CCDC47: variants seen among roughly 807,000 people sequenced by gnomAD.
CCDC47 encodes PAT complex subunit CCDC47.
Under a neutral mutation model 60.5 loss-of-function variants are expected in CCDC47, and 41 were observed. The ratio of observed to expected loss-of-function variants is 0.68; its 90% CI spans 0.53 to 0.88. CCDC47 has a LOEUF of 0.88. Among genes scored for constraint, CCDC47 ranks in the 40% least tolerant of loss-of-function variants. The pLI, the probability that CCDC47 is intolerant of heterozygous loss-of-function variation, is 0.00. For synonymous variants in CCDC47, 195 were observed against 190.7 expected (o/e 1.02, Z -0.18); for missense variants, 513 against 580.9 (o/e 0.88, Z 1.20).
At position 63,764,750 on chromosome 17, in the gene CCDC47, G is replaced by C. The variant is rs144041507; in HGVS notation, c.362C>G (p.Thr121Arg). The C allele has an allele frequency of 2.5e-6, 4 of 1,611,926 alleles. No individual in the cohort carries two copies. Among genetic ancestry groups the C allele is most frequent in the Non-Finnish European group, 3.4e-6 (4 of 1,179,476 alleles). The change falls in exon 3 of 13, where the codon ACG becomes AGG. Residue 121 changes from threonine to arginine, a missense_variant. By Grantham distance (71) the Thr-to-Arg change is moderately conservative. Transcript: ENST00000225726. The part of the protein sequence containing the change: ...TSSSKNKDPI[T>R]IVDVPAHLQN... Reference sequence around the variant, plus strand: ...ATCCTGGATACCTACATCAACAATCGTTATTGGGTCTTTATTTTTGCTAGA... The same window carrying C: ...ATCCTGGATACCTACATCAACAATCCTTATTGGGTCTTTATTTTTGCTAGA...
In CCDC47 at chr17:63,764,766, T is replaced by G; in HGVS notation, c.346A>C (p.Asn116His). The G allele has an allele frequency of 6.2e-7, 1 of 1,613,302 alleles. No homozygotes were observed. The highest frequency in any genetic ancestry group is 1.3e-5 in the African/African-American group (1 of 74,972). ...TCAACAATCGTTATTGGGTCTTTATTTTTGCTAGAAGAAGTATCTGGTTTG... is the reference window on the plus strand; with the variant it reads ...TCAACAATCGTTATTGGGTCTTTATGTTTGCTAGAAGAAGTATCTGGTTTG... ...EDKPDTSSSK[N>H]KDPITIVDVP... The change falls in exon 3 of 13, where the codon AAT becomes CAT. Residue 116 changes from asparagine (N) to histidine (H), a missense_variant. Coordinates refer to ENST00000225726, the MANE Select transcript of CCDC47 (RefSeq NM_020198.3).
At chr17:63,760,795 T>A (rs1415789774) in intron 6 of CCDC47, 119 bp downstream of exon 6, 1 of 676,422 alleles carries the variant, frequency 1.5e-6, no homozygotes. Context: ...GCCAAGATCA[T>A]GCCATTGCAC....
Position 63,760,926 on chromosome 17 carries a change from C to T in CCDC47, c.723G>A (p.Val241=), listed in dbSNP as rs373115775. ...LNVLARMMRP[V]SDQVQIKVTM... is the part of the protein sequence containing the mutation. Reference sequence around the variant, plus strand: ...GAAGAATACATACCACTTGATCACTCACTGGCCTCATCATCCGGGCCAGGA... The same window carrying T: ...GAAGAATACATACCACTTGATCACTTACTGGCCTCATCATCCGGGCCAGGA... Residue 241 remains valine (V), a synonymous_variant, in exon 6 of 13, where the codon GTG becomes GTA. Transcript: ENST00000225726. 10 of 1,611,720 alleles carry T rather than the reference C, an allele frequency of 6.2e-6. No homozygotes were observed. The highest frequency in any genetic ancestry group is 1.3e-5 in the African/African-American group (1 of 74,736).
chr17:63,746,097 C>A lies in CCDC47; in HGVS notation c.*784G>T, dbSNP rs993760309. ...GATTTCACACAGACCAATGATCTTA[C>A]CTAGGTGAAGCATTAATTTTTCATG... On this transcript the variant is annotated 3_prime_UTR_variant, in exon 13 of 13. Transcript: ENST00000225726. 2 of 152,162 alleles carry A rather than the reference C, an allele frequency of 1.3e-5. No homozygotes were observed. The highest frequency in any genetic ancestry group is 4.8e-5 in the African/African-American group (2 of 41,448). 9.4% of individuals were successfully genotyped at this position (152,162 alleles called of 1,614,324 possible).
At chr17:63,756,388 T>C (rs369941813) in intron 7 of CCDC47, 38 bp from the exon 8 acceptor site, 2 of 1,592,040 alleles carry the variant, frequency 1.3e-6, no homozygotes, top group African/African-American at 2.7e-5. Context: ...ATATGACCTT[T>C]TATTATGCAA....
intron 12 of CCDC47, among the ~76,000 whole-genome samples, chr17:63,750,030 G>C (rs1004451691): frequency 1.3e-5 from 2 of 152,112 alleles, no homozygotes; most frequent in African/African-American, 4.8e-5. Flanking sequence ...GGTTGGGTGG[G>C]TTGTTCTATT....
At chr17:63,750,677 C>T (rs1376272528) in intron 12 of CCDC47, among the ~76,000 whole-genome samples, 2 of 151,896 alleles carry the variant, frequency 1.3e-5, no homozygotes, top group Admixed American at 6.6e-5. Context: ...CTCTGCCTCT[C>T]AGGTTCAAGC....
chr17:63,769,131 G>T (rs1261916633), intron 1 of CCDC47, among the ~76,000 whole-genome samples: 3 of 150,922 alleles, frequency 2.0e-5, no homozygotes. Flanking sequence ...TGCACCTGTA[G>T]TCCAGCTATT....
At chr17:63,769,527 T>A (rs1364227029) in intron 1 of CCDC47, among the ~76,000 whole-genome samples, 12 of 146,114 alleles carry the variant, frequency 8.2e-5, no homozygotes, top group African/African-American at 3.0e-4. Context: ...GGCAGGAGGA[T>A]CGCTTGAATC....
At chr17:63,773,203 C>G (rs1460548310) in intron 1 of CCDC47, among the ~76,000 whole-genome samples, 2 of 152,250 alleles carry the variant, frequency 1.3e-5, no homozygotes, top group Admixed American at 1.3e-4. Flanking sequence ...CCAAGAGAAT[C>G]AATACATCCT....
chr17:63,755,957 C>T (rs926149902), intron 8 of CCDC47, among the ~76,000 whole-genome samples: 1 of 149,132 alleles, frequency 6.7e-6, no homozygotes, highest in African/African-American at 2.5e-5. Context: ...AATGACATGA[C>T]GAAAAAGATT....
At position 63,761,231 on chromosome 17, in the gene CCDC47, C is replaced by G. The variant is rs547693516; in HGVS notation, c.668G>C (p.Arg223Thr). ...TCGTACAAGAAGTTTCCTACTTACC[C>G]TCAGCTGGATAAGCATGCCCTCACA... is the stretch of plus-strand genomic sequence containing the variant. Reference protein sequence around the residue: ...VCCEGMLIQLRFLKRQDLLNV... With the variant: ...VCCEGMLIQLTFLKRQDLLNV... Residue 223 changes from arginine (R) to threonine (T), a missense_variant and splice_region_variant, in exon 5 of 13, where the codon AGG becomes ACG. Arg to Thr is a moderately conservative substitution (Grantham distance 71). Coordinates refer to ENST00000225726, the MANE Select transcript of CCDC47 (RefSeq NM_020198.3). 7.4e-6 allele frequency: 12 copies of G among 1,614,110 alleles called. No homozygotes were observed. In the Admixed American group the frequency reaches 1.8e-4, roughly 25 times the overall value.
chr17:63,752,647 G>A lies in CCDC47; in HGVS notation c.1093+94C>T, dbSNP rs561821092. 36 of 1,288,858 alleles carry A rather than the reference G, an allele frequency of 2.8e-5. No individual in the cohort carries two copies. In the East Asian group the frequency reaches 4.7e-4, roughly 17 times the overall value. The allele number at this position is 1,288,858 out of a possible 1,614,324, so 79.8% of individuals were successfully genotyped here. On this transcript the variant is annotated intron_variant, in intron 10 of 12. Coordinates refer to ENST00000225726, the MANE Select transcript of CCDC47 (RefSeq NM_020198.3). ...GCAAGCACAGGCTTATAGTTTTGAC[G>A]TAGTTTTAAAGCTATCATTTAGGAG...
chr17:63,771,025 G>GAAGA (rs2039335691), intron 1 of CCDC47, among the ~76,000 whole-genome samples: 3 of 123,484 alleles, frequency 2.4e-5, no homozygotes, highest in Admixed American at 1.6e-4. Flanking sequence ...AGGAAGGAAG[G>GAAGA]AAGGAAGGAA....
At position 63,746,805 on chromosome 17, in the gene CCDC47, T is replaced by C. The variant is rs2039123474; in HGVS notation, c.*76A>G. ...CTGTCTGAAATTTAAGGTTGAGAAA[T>C]GGACTGGCGTTTTTCATGTTTCCTG... On this transcript the variant is annotated 3_prime_UTR_variant, in exon 13 of 13. Coordinates refer to ENST00000225726, the MANE Select transcript of CCDC47 (RefSeq NM_020198.3). The C allele has an allele frequency of 6.6e-6, 7 of 1,061,040 alleles. No homozygotes were observed. The highest frequency in any genetic ancestry group is 1.0e-5 in the Non-Finnish European group (7 of 683,904). 65.7% of individuals were successfully genotyped at this position (1,061,040 alleles called of 1,614,324 possible).
Position 63,765,820 on chromosome 17 carries a change from G to A in CCDC47, c.264+92C>T, listed in dbSNP as rs964392215. The A allele has an allele frequency of 7.0e-6, 10 of 1,420,898 alleles. No homozygotes were observed. In the Admixed American group the frequency reaches 1.5e-4, roughly 22 times the overall value. The allele number at this position is 1,420,898 out of a possible 1,614,324, so 88.0% of individuals were successfully genotyped here. On this transcript the variant is annotated intron_variant, in intron 2 of 12. Transcript: ENST00000225726. ...TGAATGAAAATGAAGACTCCAGACA[G>A]TAAAGGTCTCTTGAGCCTGAGGATT...
Position 63,759,897 on chromosome 17 carries a change from C to T in CCDC47, c.735+1017G>A, listed in dbSNP as rs1018382455. Among the ~76,000 whole-genome samples the T allele has an allele frequency of 5.5e-4, 83 of 151,300 alleles. 2 individuals carry two copies. The highest frequency in any genetic ancestry group is 3.4e-4 in the Non-Finnish European group (23 of 67,784). Reference sequence around the variant, plus strand: ...TGGCCAACATGGTGAAACCCCATCTCTACTAAAATACAAAAAATTGGCTGG... The same window carrying T: ...TGGCCAACATGGTGAAACCCCATCTTTACTAAAATACAAAAAATTGGCTGG... On this transcript the variant is annotated intron_variant, in intron 6 of 12. Coordinates refer to ENST00000225726, the MANE Select transcript of CCDC47 (RefSeq NM_020198.3).
At chr17:63,765,425 C>T (rs1185054234) in intron 2 of CCDC47, among the ~76,000 whole-genome samples, 1 of 152,038 alleles carries the variant, frequency 6.6e-6, no homozygotes, top group African/African-American at 2.4e-5. Flanking sequence ...ACTGCAACCT[C>T]CACCTCCCAG....
In CCDC47 at chr17:63,766,098, C is replaced by T; in HGVS notation, c.78G>A (p.Glu26=). 2 of 1,614,006 alleles carry T rather than the reference C, an allele frequency of 1.2e-6. No homozygotes were observed. Among genetic ancestry groups the T allele is most frequent in the Non-Finnish European group, 1.7e-6 (2 of 1,179,988 alleles). ...SVSEAKFDDF[E]DEEDIVEYDD... is the part of the protein sequence containing the mutation. ...CATACTCTACTATGTCCTCCTCATC[C>T]TCAAAATCATCAAACTTGGCTTCAG... The change falls in exon 2 of 13, where the codon GAG becomes GAA. Residue 26 remains glutamate (E), a synonymous_variant. Coordinates refer to ENST00000225726, the MANE Select transcript of CCDC47 (RefSeq NM_020198.3).
Sources: allele counts gnomAD v4.1 joint callset (sites outside exome capture counted in the v4.1 genomes callset), GRCh38; gene constraint gnomAD v4.1.1; transcripts MANE v1.5; gene names NCBI Gene and HGNC (gene_info 2026-07-23, HGNC 2026-07-21).